The following LRRC66 variants were observed in gnomAD, a reference collection of about 807,000 sequenced individuals.
The protein encoded by LRRC66 is leucine-rich repeat-containing protein 66.
In LRRC66, 29 loss-of-function variants were observed where a neutral mutation model predicts 24.6. The ratio of observed to expected loss-of-function variants is 1.18; its 90% CI spans 0.88 to 1.61. The LOEUF (loss-of-function observed/expected upper bound fraction) is 1.61, where lower values mean the gene tolerates loss of function less well. Among genes scored for constraint, LRRC66 ranks in the 40% most tolerant of loss-of-function variants. The pLI is 0.00. For synonymous variants in LRRC66, 411 were observed against 397.6 expected (o/e 1.03, Z -0.40); for missense variants, 1,124 against 1,058.0 (o/e 1.06, Z -0.87).
chr4:52,014,813 T>G (rs528530414), intron 2 of LRRC66, among the ~76,000 whole-genome samples: 27 of 152,346 alleles, frequency 1.8e-4, no homozygotes, highest in African/African-American at 6.5e-4. Context: ...TACACTGAAC[T>G]TCCACCGTCT....
intron 2 of LRRC66, among the ~76,000 whole-genome samples, chr4:52,015,385 T>C (rs145531962): frequency 1.8e-3 from 272 of 152,200 alleles, no homozygotes; most frequent in Middle Eastern, 6.8e-3. Context: ...AAAAGAAATA[T>C]TATCTGGGTA....
Position 52,018,625 on chromosome 4 carries a change from AT to A in LRRC66, c.-5-1008del, listed in dbSNP as rs1339139528. 4 of 977,766 alleles carry A rather than the reference AT, an allele frequency of 4.1e-6. No homozygotes were observed. The African/African-American group carries it at 7.0e-5, about 17-fold the overall frequency. 60.6% of individuals were successfully genotyped at this position (977,766 alleles called of 1,614,324 possible). A position where few individuals can be genotyped will look rare whatever the true frequency, so the allele number is the denominator to read the frequency against. On this transcript the variant is annotated intron_variant, in intron 1 of 4. Transcript: ENST00000682860. The stretch of plus-strand genomic sequence containing the variant: ...CCATCCTAGGTGACTCCAAAGGATT[AT>A]TTTCCTACAATAACGTATTTCCTAT...
In LRRC66 at chr4:51,993,779, G is replaced by A. The variant is rs941524400; in HGVS notation, c.*600C>T. ...CAGTTTCACGATCAGCCTCCAAAAA[G>A]TTGTGCTAGTGTGTGTTCAGAATTC... On this transcript the variant is annotated 3_prime_UTR_variant, in exon 5 of 5. Transcript: ENST00000682860. 6.6e-6 allele frequency: 1 copy of A among 152,172 alleles called. No homozygotes were observed. Among genetic ancestry groups the A allele is most frequent in the East Asian group, 1.9e-4 (1 of 5,198 alleles). The allele number at this position is 152,172 out of a possible 1,614,324, so 9.4% of individuals were successfully genotyped here. A position where few individuals can be genotyped will look rare whatever the true frequency, so the allele number is the denominator to read the frequency against.
Position 51,994,292 on chromosome 4 carries a change from CTTG to C in LRRC66, c.*84_*86del, listed in dbSNP as rs1736234245. On this transcript the variant is annotated 3_prime_UTR_variant, in exon 5 of 5. Transcript: ENST00000682860. ...GAATTCATGTTGTCTCCTTCAGGAT[CTTG>C]TTGTGAAGGCTTTAGTTTTCCCCTG... 1 of 1,260,222 alleles carries C rather than the reference CTTG, an allele frequency of 7.9e-7. No individual in the cohort carries two copies. The highest frequency in any genetic ancestry group is 1.1e-6 in the Non-Finnish European group (1 of 921,654). 78.1% of individuals were successfully genotyped at this position (1,260,222 alleles called of 1,614,324 possible). A position where few individuals can be genotyped will look rare whatever the true frequency, so the allele number is the denominator to read the frequency against.
chr4:52,000,851 T>G (rs148598087), intron 3 of LRRC66, among the ~76,000 whole-genome samples: 151 of 152,326 alleles, frequency 9.9e-4, no homozygotes, highest in Non-Finnish European at 1.8e-3. Context: ...GAGCCTTAAG[T>G]GGAGGCCCCA....
Position 51,994,390 on chromosome 4 carries a change from T to G in LRRC66, c.2632A>C (p.Ile878Leu). ...TTAATGAAAGATTCTTATTTTAAAA[T>G]GTCTGAGTCTCTTTCATGGAAGGCA... ...KAAFHERDSDILK is the reference protein window; with the variant it reads ...KAAFHERDSDLLK Residue 878 changes from isoleucine to leucine, a missense_variant, in exon 5 of 5, where the codon ATT becomes CTT. Ile to Leu is a conservative substitution (Grantham distance 5). Coordinates refer to ENST00000682860, the MANE Select transcript of LRRC66 (RefSeq NM_001024611.3). 6.2e-7 allele frequency: 1 copy of G among 1,603,412 alleles called. No individual in the cohort carries two copies.
At chr4:52,005,117 A>G (rs575592789) in intron 2 of LRRC66, among the ~76,000 whole-genome samples, 15 of 152,348 alleles carry the variant, frequency 9.8e-5, no homozygotes, top group African/African-American at 3.6e-4. Flanking sequence ...TATACTCAGT[A>G]GGCCAGAGGC....
In LRRC66 at chr4:51,995,867, G is replaced by T; in HGVS notation, c.1155C>A (p.Ile385=). The T allele has an allele frequency of 2.5e-6, 4 of 1,614,152 alleles. No individual in the cohort carries two copies. Among genetic ancestry groups the T allele is most frequent in the South Asian group, 2.2e-5 (2 of 91,078 alleles). The change falls in exon 5 of 5, where the codon ATC becomes ATA. Residue 385 remains isoleucine (I), a synonymous_variant. Coordinates refer to ENST00000682860, the MANE Select transcript of LRRC66 (RefSeq NM_001024611.3). ...LALAVCLSVF[I]TFLVAFSLGA... is the part of the protein sequence containing the mutation. ...CCAGGCTGAAGGCGACAAGGAATGT[G>T]ATGAACACTGACAGGCACACCGCCA...
At chr4:52,003,513 G>T (rs922346702) in intron 2 of LRRC66, 121 bp from the exon 3 acceptor site, 2 of 743,326 alleles carry the variant, frequency 2.7e-6, no homozygotes, top group Non-Finnish European at 2.2e-6. Flanking sequence ...GTTAAACAAC[G>T]TATGGTATAT....
At chr4:51,996,797 T>C (rs1267021951) in intron 4 of LRRC66, among the ~76,000 whole-genome samples, 1 of 152,220 alleles carries the variant, frequency 6.6e-6, no homozygotes, top group Non-Finnish European at 1.5e-5. Context: ...CACTGCTGCC[T>C]GTGGGAGGAA....
At chr4:51,997,132 A>G (rs1736339162) in intron 4 of LRRC66, among the ~76,000 whole-genome samples, 1 of 152,172 alleles carries the variant, frequency 6.6e-6, no homozygotes, top group Non-Finnish European at 1.5e-5. Context: ...GTTGAGATTT[A>G]GCCAAGGTAG....
intron 1 of LRRC66, among the ~76,000 whole-genome samples, chr4:52,020,067 T>A (rs1284553919): frequency 1.3e-5 from 2 of 151,830 alleles, no homozygotes; most frequent in East Asian, 3.9e-4. Context: ...AATTTCAAAA[T>A]GGAAATAGTC....
chr4:52,015,332 A>C (rs1370476981), intron 2 of LRRC66, among the ~76,000 whole-genome samples: 1 of 151,144 alleles, frequency 6.6e-6, no homozygotes, highest in Non-Finnish European at 1.5e-5. Context: ...GTTTTGAAGA[A>C]AAAAAAAAGG....
In LRRC66 at chr4:52,017,459, C is replaced by T. The variant is rs1201659231; in HGVS notation, c.155G>A (p.Cys52Tyr). The T allele has an allele frequency of 1.9e-6, 3 of 1,614,116 alleles. No individual in the cohort carries two copies. The highest frequency in any genetic ancestry group is 2.2e-5 in the South Asian group (2 of 91,074). ...CTGTGATATGTCCACAGGTATATCA[C>T]ACTTTCCGGTAAAAGAACAATTTGT... Reference protein sequence around the residue: ...ILTNCSFTGKCDIPVDISQTA... With the variant: ...ILTNCSFTGKYDIPVDISQTA... The change falls in exon 2 of 5, where the codon TGT becomes TAT. Residue 52 changes from cysteine (C) to tyrosine (Y), a missense_variant. Coordinates refer to ENST00000682860, the MANE Select transcript of LRRC66 (RefSeq NM_001024611.3).
chr4:52,018,208 T>C (rs1736863448), intron 1 of LRRC66: 1 of 985,400 alleles, frequency 1.0e-6, no homozygotes, highest in Non-Finnish European at 1.2e-6. Context: ...TTTAGATACA[T>C]ACAACATAAT....
In LRRC66 at chr4:51,995,867, G is replaced by A. The variant is rs375965468; in HGVS notation, c.1155C>T (p.Ile385=). The A allele has an allele frequency of 2.2e-5, 35 of 1,614,034 alleles. No individual in the cohort carries two copies. The highest frequency in any genetic ancestry group is 1.6e-4 in the Middle Eastern group (1 of 6,084). ...LALAVCLSVF[I]TFLVAFSLGA... ...CCAGGCTGAAGGCGACAAGGAATGT[G>A]ATGAACACTGACAGGCACACCGCCA... Residue 385 remains isoleucine (I), a synonymous_variant, in exon 5 of 5, where the codon ATC becomes ATT. Transcript: ENST00000682860.
chr4:52,019,180 C>G (rs1736888337), intron 1 of LRRC66, among the ~76,000 whole-genome samples: 1 of 152,158 alleles, frequency 6.6e-6, no homozygotes, highest in Non-Finnish European at 1.5e-5. Flanking sequence ...CGGCCAGCCA[C>G]AGTCTTGTGT....
intron 2 of LRRC66, among the ~76,000 whole-genome samples, chr4:52,011,697 A>G (rs983648424): frequency 3.3e-5 from 5 of 152,180 alleles, no homozygotes; most frequent in African/African-American, 9.7e-5. Flanking sequence ...GCCAGGCACT[A>G]TGAGAGATGT....
At chr4:52,018,022 G>C (rs1161070826) in intron 1 of LRRC66, 11 of 985,212 alleles carry the variant, frequency 1.1e-5, no homozygotes, top group Non-Finnish European at 1.3e-5. Flanking sequence ...CTACAACATA[G>C]TAATCAACCA....
Sources: allele counts gnomAD v4.1 joint callset (sites outside exome capture counted in the v4.1 genomes callset), GRCh38; gene constraint gnomAD v4.1.1; transcripts MANE v1.5; gene names NCBI Gene and HGNC (gene_info 2026-07-23, HGNC 2026-07-21).